The following SP3 variants were observed in gnomAD, a reference collection of about 807,000 sequenced individuals.
The protein encoded by SP3 is transcription factor Sp3.
SP3 carries 10 observed loss-of-function variants against 70.3 expected under a neutral mutation model. That is an observed-to-expected ratio of 0.14 (90% CI 0.09 to 0.24). The LOEUF (loss-of-function observed/expected upper bound fraction) is 0.24, where lower values mean the gene tolerates loss of function less well. SP3 is among the 10% of genes least tolerant of loss of function. SP3 has a pLI of 1.00. For synonymous variants in SP3, 402 were observed against 333.5 expected (o/e 1.21, Z -2.24); for missense variants, 825 against 914.6 (o/e 0.90, Z 1.26).
intron 3 of SP3, among the ~76,000 whole-genome samples, chr2:173,959,860 A>C (rs1490124495): frequency 6.6e-6 from 1 of 152,248 alleles, no homozygotes; most frequent in African/African-American, 2.4e-5. Flanking sequence ...TGTCTACGTA[A>C]GTTTACAAAC....
At chr2:173,956,253 G>T in intron 3 of SP3, 21 bp from the exon 4 acceptor site, 1 of 1,550,366 alleles carries the variant, frequency 6.5e-7, no homozygotes. Context: ...AAAACAAAAA[G>T]GTGATATATT....
chr2:173,948,259 G>C (rs1369673399), intron 4 of SP3, among the ~76,000 whole-genome samples: 1 of 152,144 alleles, frequency 6.6e-6, no homozygotes, highest in Admixed American at 6.5e-5. Context: ...GTTACCCATA[G>C]TCAATCACAG....
At position 173,906,709 on chromosome 2, in the gene SP3, T is replaced by C. The variant is rs1007960501; in HGVS notation, c.*3232A>G. The C allele has an allele frequency of 2.6e-5, 4 of 152,232 alleles. No individual in the cohort carries two copies. Among genetic ancestry groups the C allele is most frequent in the Admixed American group, 2.6e-4 (4 of 15,286 alleles). The allele number at this position is 152,232 out of a possible 1,614,324, so 9.4% of individuals were successfully genotyped here. A position where few individuals can be genotyped will look rare whatever the true frequency, so the allele number is the denominator to read the frequency against. On this transcript the variant is annotated 3_prime_UTR_variant, in exon 7 of 7. Transcript: ENST00000310015. ...TGGGTCTGAGTAGGCAGTACTGGAA[T>C]TTAAACTACAATTAAGAGCCTAAGG...
chr2:173,944,565 C>T (rs1027163577), intron 4 of SP3, among the ~76,000 whole-genome samples: 4 of 152,094 alleles, frequency 2.6e-5, no homozygotes, highest in African/African-American at 4.8e-5. Flanking sequence ...CCCCAAGAAC[C>T]ACTAAAATGA....
Position 173,955,769 on chromosome 2 carries a change from C to G in SP3, c.743G>C (p.Gly248Ala), listed in dbSNP as rs756815277. 6.2e-6 allele frequency: 10 copies of G among 1,614,044 alleles called. No individual in the cohort carries two copies. In the Admixed American group the frequency reaches 1.7e-4, roughly 27 times the overall value. ...GVAIGGSSFP[G>A]QTQVVANVPL... is the part of the protein sequence containing the mutation. ...CACATTAGCAACTACTTGGGTTTGACCAGGAAAAGATGAACCACCAATTGC... is the reference window on the plus strand; with the variant it reads ...CACATTAGCAACTACTTGGGTTTGAGCAGGAAAAGATGAACCACCAATTGC... Residue 248 changes from glycine to alanine, a missense_variant, in exon 4 of 7, where the codon GGT (glycine) becomes GCT (alanine). By Grantham distance (60) the Gly-to-Ala change is moderately conservative. Around this residue, in one of 4 missense-constraint regions of SP3, gnomAD observed 678 missense variants for 651.6 expected, o/e 1.04. Transcript: ENST00000310015.
rs11448837 is a variant in SP3, at chr2:173,911,813, CTTTTTT to C, written c.2029+1251_2029+1256del. On this transcript the variant is annotated intron_variant, in intron 6 of 6. Coordinates refer to ENST00000310015, the MANE Select transcript of SP3 (RefSeq NM_003111.5). The stretch of plus-strand genomic sequence containing the variant: ...CTGCAACGCAAAATCTTTTATCTAC[CTTTTTT>C]TTTTTTTTTTTTTTTTTGAGACAGG... 3.2e-4 allele frequency among the ~76,000 whole-genome samples: 31 copies of C among 98,014 alleles called. No homozygotes were observed. The East Asian group carries it at 5.5e-3, about 17-fold the overall frequency. 64.3% of individuals were successfully genotyped at this position (98,014 alleles called of 152,430 possible). A position where few individuals can be genotyped will look rare whatever the true frequency, so the allele number is the denominator to read the frequency against.
intron 4 of SP3, among the ~76,000 whole-genome samples, chr2:173,939,890 A>C (rs1031201788): frequency 6.6e-6 from 1 of 151,864 alleles, no homozygotes; most frequent in Non-Finnish European, 1.5e-5. Flanking sequence ...GGAAAATGGA[A>C]GTTGTTTTTT....
intron 4 of SP3, among the ~76,000 whole-genome samples, chr2:173,932,809 G>A (rs183877938): frequency 4.6e-5 from 7 of 152,014 alleles, no homozygotes; most frequent in Admixed American, 6.6e-5. Flanking sequence ...TGGCTGACAC[G>A]GTGAAACCCC....
intron 3 of SP3, among the ~76,000 whole-genome samples, chr2:173,961,750 CAT>C (rs1691086777): frequency 6.6e-6 from 1 of 152,126 alleles, no homozygotes; most frequent in South Asian, 2.1e-4. Context: ...CCCATGAACT[CAT>C]GTGAATTTCC....
In SP3 at chr2:173,955,042, C is replaced by T. The variant is rs533251758; in HGVS notation, c.1470G>A (p.Thr490=). The T allele has an allele frequency of 2.4e-5, 39 of 1,614,176 alleles. No individual in the cohort carries two copies. Among genetic ancestry groups the T allele is most frequent in the South Asian group, 2.2e-4 (20 of 91,084 alleles). Residue 490 remains threonine (T), a synonymous_variant, in exon 4 of 7, where the codon ACG becomes ACA. Transcript: ENST00000310015. ...QNTAAQQITL[T]PVQTLTLGQV... ...GACCAAGTGTGAGGGTTTGAACAGG[C>T]GTCAAAGTTATTTGTTGGGCAGCAG...
chr2:173,964,308 C>G, intron 2 of SP3, 97 bp downstream of exon 2: 2 of 559,292 alleles, frequency 3.6e-6, no homozygotes, highest in Non-Finnish European at 6.3e-6. Context: ...AGGGGAGAGA[C>G]GAGGAGGGAG....
Position 173,929,097 on chromosome 2 carries a change from A to G in SP3, c.1640-10312T>C, listed in dbSNP as rs147552830. On this transcript the variant is annotated intron_variant, in intron 4 of 6. Coordinates refer to ENST00000310015, the MANE Select transcript of SP3 (RefSeq NM_003111.5). ...CAGGCTCCCCTTGATACATGCTTCC[A>G]GGCTCCACTTGATACATGCTTCCAA... Among the ~76,000 whole-genome samples the G allele has an allele frequency of 1.4e-4, 22 of 152,304 alleles. No individual in the cohort carries two copies. In the East Asian group the frequency reaches 4.2e-3, roughly 29 times the overall value.
rs1341505957 is a variant in SP3 at position 173,949,042 on chromosome 2, G to A, written c.1639+5831C>T. Among the ~76,000 whole-genome samples, 6 of 152,174 alleles carry A rather than the reference G, an allele frequency of 3.9e-5. No homozygotes were observed. In the South Asian group the frequency reaches 1.2e-3, roughly 32 times the overall value. On this transcript the variant is annotated intron_variant, in intron 4 of 6. Coordinates refer to ENST00000310015, the MANE Select transcript of SP3 (RefSeq NM_003111.5). The stretch of plus-strand genomic sequence containing the variant: ...GTCTTACACAACAACCTTTTATGTT[G>A]TGTAAGAGGGGCAAAAGGAGATCTA...
intron 4 of SP3, among the ~76,000 whole-genome samples, chr2:173,920,341 T>C (rs1018949653): frequency 1.3e-5 from 2 of 152,200 alleles, no homozygotes; most frequent in Non-Finnish European, 2.9e-5. Context: ...CTATGTATGA[T>C]GTAATATAGG....
chr2:173,940,658 G>A (rs563874621), intron 4 of SP3, among the ~76,000 whole-genome samples: 27 of 152,152 alleles, frequency 1.8e-4, no homozygotes, highest in Non-Finnish European at 2.9e-4. Flanking sequence ...GCTAAAGGTA[G>A]CTGGAGAAAA....
chr2:173,923,885 T>G (rs1028356012), intron 4 of SP3, among the ~76,000 whole-genome samples: 3 of 152,062 alleles, frequency 2.0e-5, no homozygotes, highest in African/African-American at 7.2e-5. Flanking sequence ...CAATATCTCA[T>G]GTATTATAAA....
intron 5 of SP3, chr2:173,914,442 A>AT (rs1295790829): frequency 6.6e-6 from 1 of 152,140 alleles, no homozygotes; most frequent in Non-Finnish European, 1.5e-5. Context: ...CCACATTTAT[A>AT]TTTTAATGTA....
intron 6 of SP3, among the ~76,000 whole-genome samples, chr2:173,911,479 C>A (rs191460592): frequency 6.6e-6 from 1 of 152,166 alleles, no homozygotes; most frequent in African/African-American, 2.4e-5. Flanking sequence ...GCAAACGGCA[C>A]AAGGTTAGGA....
intron 3 of SP3, chr2:173,963,326 C>T (rs773524935): frequency 1.3e-5 from 2 of 151,984 alleles, no homozygotes; most frequent in Non-Finnish European, 2.9e-5. Context: ...TGATTTAAAG[C>T]AGTAAGATCC....
Sources: gnomAD v4.1 joint callset for allele counts (sites outside exome capture counted in the v4.1 genomes callset) on GRCh38, gnomAD v4.1.1 for gene constraint, gnomAD v4.1.1 regional missense constraint, MANE v1.5 for transcripts, NCBI Gene and HGNC (gene_info 2026-07-23, HGNC 2026-07-21) for gene names.